B4GALT6: variants seen among roughly 807,000 people sequenced by gnomAD.
B4GALT6 encodes UDP-Gal:beta-GlcNAc beta-1,4-galactosyltransferase 6.
B4GALT6 carries 14 observed loss-of-function variants against 46.3 expected under a neutral mutation model. The observed-to-expected ratio is 0.30, with a 90% CI of 0.20 to 0.47. The LOEUF (loss-of-function observed/expected upper bound fraction) is 0.47. Among genes scored for constraint, B4GALT6 ranks in the 20% least tolerant of loss-of-function variants. The pLI, the probability that B4GALT6 is intolerant of heterozygous loss-of-function variation, is 0.99. For missense variants in B4GALT6, 386 were observed against 480.1 expected (o/e 0.80, Z 1.83); for synonymous variants, 168 against 162.0 (o/e 1.04, Z -0.28).
At chr18:31,674,517 A>C (rs917087282) in intron 1 of B4GALT6, among the ~76,000 whole-genome samples, 1 of 152,200 alleles carries the variant, frequency 6.6e-6, no homozygotes, top group African/African-American at 2.4e-5. Context: ...ACAAAAGTGA[A>C]AATCTTAATG....
intron 4 of B4GALT6, among the ~76,000 whole-genome samples, chr18:31,643,496 A>T (rs1387028198): frequency 6.6e-6 from 1 of 151,988 alleles, no homozygotes; most frequent in East Asian, 1.9e-4. Flanking sequence ...ATGAGGTTTC[A>T]TCATGTTGGC....
upstream of B4GALT6, among the ~76,000 whole-genome samples, chr18:31,685,281 G>C (rs373185400): frequency 1.4e-5 from 2 of 143,068 alleles, no homozygotes; most frequent in Admixed American, 1.4e-4. Flanking sequence ...ACCAGGCGAA[G>C]AGCAACCGGG....
the B4GALT6 span, among the ~76,000 whole-genome samples, chr18:31,716,728 G>A: frequency 0.012 from 1,835 of 152,300 alleles, 42 homozygotes; most frequent in African/African-American, 0.043. Flanking sequence ...CAATCTCTTG[G>A]AGGTACCCCA....
At chr18:31,710,312 G>A in the B4GALT6 span, among the ~76,000 whole-genome samples, 1 of 151,972 alleles carries the variant, frequency 6.6e-6, no homozygotes, top group Non-Finnish European at 1.5e-5. Context: ...ACATGATATC[G>A]GCTAGATTTC....
the B4GALT6 span, among the ~76,000 whole-genome samples, chr18:31,720,470 A>G: frequency 8.5e-5 from 13 of 152,214 alleles, no homozygotes; most frequent in South Asian, 2.1e-4. Context: ...CGTGATATCC[A>G]ACACCACAAG....
At chr18:31,636,367 T>C (rs1348826822) in intron 5 of B4GALT6, among the ~76,000 whole-genome samples, 1 of 152,198 alleles carries the variant, frequency 6.6e-6, no homozygotes, top group Non-Finnish European at 1.5e-5. Context: ...AACTTATGTC[T>C]TACAAAAGAC....
upstream of B4GALT6, among the ~76,000 whole-genome samples, chr18:31,688,314 A>G (rs531214834): frequency 1.6e-4 from 24 of 147,544 alleles, no homozygotes; most frequent in African/African-American, 6.3e-4. Flanking sequence ...TGGTACAGAT[A>G]CTTCTCAAAA....
At chr18:31,693,911 T>G in the B4GALT6 span, among the ~76,000 whole-genome samples, 1 of 152,148 alleles carries the variant, frequency 6.6e-6, no homozygotes, top group East Asian at 1.9e-4. Context: ...GAGGCTGCAG[T>G]GAGCCATGAT....
At chr18:31,644,126 T>C (rs2073962586) in intron 4 of B4GALT6, among the ~76,000 whole-genome samples, 1 of 152,180 alleles carries the variant, frequency 6.6e-6, no homozygotes, top group Non-Finnish European at 1.5e-5. Context: ...TGTAAGGTAA[T>C]TATAAAATTA....
intron 4 of B4GALT6, among the ~76,000 whole-genome samples, chr18:31,638,965 G>A (rs2073897183): frequency 6.6e-6 from 1 of 152,204 alleles, no homozygotes; most frequent in South Asian, 2.1e-4. Flanking sequence ...GGTAGAAGGG[G>A]CTCTGAAGCG....
chr18:31,631,255 T>C (rs2073786563), intron 5 of B4GALT6, 109 bp from the exon 6 acceptor site: 1 of 1,146,420 alleles, frequency 8.7e-7, no homozygotes, highest in Non-Finnish European at 1.2e-6. Flanking sequence ...GGTTTCACCA[T>C]GTTGGCCAGG....
intron 2 of B4GALT6, among the ~76,000 whole-genome samples, chr18:31,662,916 G>A (rs1406205611): frequency 1.3e-5 from 2 of 152,208 alleles, no homozygotes; most frequent in Non-Finnish European, 2.9e-5. Flanking sequence ...TGTCCATCAT[G>A]TATAACCACT....
At chr18:31,678,181 T>C (rs2074436814) in intron 1 of B4GALT6, among the ~76,000 whole-genome samples, 1 of 152,128 alleles carries the variant, frequency 6.6e-6, no homozygotes. Flanking sequence ...AAGAGGTCTG[T>C]CCAGTATCCC....
chr18:31,623,619 G>C lies in B4GALT6; in HGVS notation c.*1995C>G, dbSNP rs1226754640. 1.3e-5 allele frequency: 2 copies of C among 151,966 alleles called. No homozygotes were observed. Among genetic ancestry groups the C allele is most frequent in the African/African-American group, 4.8e-5 (2 of 41,284 alleles). 9.4% of individuals were successfully genotyped at this position (151,966 alleles called of 1,614,324 possible). On this transcript the variant is annotated 3_prime_UTR_variant, in exon 9 of 9. Transcript: ENST00000306851. ...GAAAATGAACTAATACACAAATGAA[G>C]TACAAATATCATAATTTTCAGAAGG...
Position 31,645,370 on chromosome 18 carries a change from A to G in B4GALT6, c.456T>C (p.Cys152=). 1 of 1,613,526 alleles carries G rather than the reference A, an allele frequency of 6.2e-7. No homozygotes were observed. Among genetic ancestry groups the G allele is most frequent in the Non-Finnish European group, 8.5e-7 (1 of 1,179,832 alleles). The change falls in exon 4 of 9, where the codon TGT becomes TGC. Residue 152 remains cysteine, a synonymous_variant. Transcript: ENST00000306851. ...EPGGHWRPKD[C]KPRWKVAVLI... Reference sequence around the variant, plus strand: ...TTTACCTCACCTTCCATCTGGGTTTACAGTCTTTTGGCCTCCAATGACCCC... The same window carrying G: ...TTTACCTCACCTTCCATCTGGGTTTGCAGTCTTTTGGCCTCCAATGACCCC...
intron 6 of B4GALT6, among the ~76,000 whole-genome samples, chr18:31,629,388 A>G (rs547567744): frequency 6.7e-6 from 1 of 150,200 alleles, no homozygotes; most frequent in African/African-American, 2.4e-5. Flanking sequence ...TAGACAACAA[A>G]TTCATTTAGA....
the B4GALT6 span, among the ~76,000 whole-genome samples, chr18:31,718,333 C>A: frequency 6.6e-6 from 1 of 152,320 alleles, no homozygotes; most frequent in African/African-American, 2.4e-5. Flanking sequence ...CCAACAACAG[C>A]CATCTGTACT....
At chr18:31,648,867 TTTCA>T (rs1472672625) in intron 3 of B4GALT6, among the ~76,000 whole-genome samples, 1 of 152,226 alleles carries the variant, frequency 6.6e-6, no homozygotes, top group Non-Finnish European at 1.5e-5. Context: ...TAAATAACTA[TTTCA>T]TTTTGCTTGG....
intron 5 of B4GALT6, among the ~76,000 whole-genome samples, chr18:31,638,144 T>C (rs1431925965): frequency 6.6e-6 from 1 of 152,194 alleles, no homozygotes; most frequent in Non-Finnish European, 1.5e-5. Context: ...AAGTGAAACA[T>C]GATTGCTGAT....
Sources: gnomAD v4.1 joint callset for allele counts (sites outside exome capture counted in the v4.1 genomes callset) on GRCh38, gnomAD v4.1.1 for gene constraint, MANE v1.5 for transcripts, NCBI Gene and HGNC (gene_info 2026-07-23, HGNC 2026-07-21) for gene names.